GSK3B: variants seen among roughly 807,000 people sequenced by gnomAD.
GSK3B encodes glycogen synthase kinase-3 beta.
Under a neutral mutation model 56.4 loss-of-function variants are expected in GSK3B, and 15 were observed. The observed-to-expected ratio is 0.27, with a 90% confidence interval of 0.18 to 0.41. GSK3B has a LOEUF of 0.41. Ranked by LOEUF, GSK3B falls within the 10% of genes least tolerant of loss-of-function variation. The pLI is 1.00. For missense variants in GSK3B, 300 were observed against 513.4 expected (o/e 0.58, Z 4.02); for synonymous variants, 181 against 188.9 (o/e 0.96, Z 0.34).
At chr3:119,961,353 C>A (rs773960006) in intron 2 of GSK3B, among the ~76,000 whole-genome samples, 2 of 152,214 alleles carry the variant, frequency 1.3e-5, no homozygotes, top group African/African-American at 4.8e-5. Context: ...ACAGGCTGGG[C>A]GCAGTGGCTC....
At chr3:119,994,243 T>C (rs1425386878) in intron 2 of GSK3B, among the ~76,000 whole-genome samples, 1 of 152,076 alleles carries the variant, frequency 6.6e-6, no homozygotes, top group Non-Finnish European at 1.5e-5. Flanking sequence ...CCATATGATA[T>C]ATACAATTAA....
intron 8 of GSK3B, 33 bp from the exon 9 acceptor site, chr3:119,863,638 T>A: frequency 7.2e-7 from 1 of 1,381,830 alleles, no homozygotes; most frequent in Non-Finnish European, 1.0e-6. Flanking sequence ...GAACAATTAA[T>A]GTTTTATTTT....
chr3:120,081,014 T>A (rs1235618157), intron 1 of GSK3B, among the ~76,000 whole-genome samples: 2 of 152,072 alleles, frequency 1.3e-5, no homozygotes, highest in Non-Finnish European at 2.9e-5. Context: ...GTTATAAATC[T>A]CTCTTCAGTC....
At chr3:120,008,798 G>T (rs1034509474) in intron 1 of GSK3B, among the ~76,000 whole-genome samples, 1 of 152,082 alleles carries the variant, frequency 6.6e-6, no homozygotes, top group Non-Finnish European at 1.5e-5. Context: ...CATAGGCATG[G>T]GCAAAGACTT....
intron 9 of GSK3B, among the ~76,000 whole-genome samples, chr3:119,861,831 A>C (rs6800622): frequency 0.47 from 71,045 of 152,020 alleles, 19,859 homozygotes; most frequent in Non-Finnish European, 0.61. Flanking sequence ...AAATTGCCTA[A>C]TAATACATTT....
At chr3:119,962,417 ATAAC>A (rs2107506956) in intron 2 of GSK3B, among the ~76,000 whole-genome samples, 1 of 151,912 alleles carries the variant, frequency 6.6e-6, no homozygotes, top group East Asian at 1.9e-4. Flanking sequence ...AAAAAAGCCT[ATAAC>A]TAACACATCA....
intron 1 of GSK3B, among the ~76,000 whole-genome samples, chr3:120,008,139 A>C (rs1448194019): frequency 6.6e-6 from 1 of 152,220 alleles, no homozygotes; most frequent in African/African-American, 2.4e-5. Flanking sequence ...AATGGCTACT[A>C]AGAGAATAAA....
chr3:119,900,443 T>A (rs761704489), intron 7 of GSK3B, among the ~76,000 whole-genome samples: 7 of 152,136 alleles, frequency 4.6e-5, no homozygotes, highest in Non-Finnish European at 8.8e-5. Context: ...AATTGTTAGT[T>A]TTGTGATAGT....
rs540767638 is a variant in GSK3B at position 119,890,663 on chromosome 3, T to C, written c.814-14155A>G. On this transcript the variant is annotated intron_variant, in intron 7 of 10. Transcript: ENST00000264235. ...GGTAGTGGTTATATGGGCATGTTTG[T>C]TGGAATTTACTAAACTGTCATTTAA... 2.8e-4 allele frequency among the ~76,000 whole-genome samples: 42 copies of C among 152,086 alleles called. 1 individual carries two copies. Among genetic ancestry groups the C allele is most frequent in the African/African-American group, 8.9e-4 (37 of 41,544 alleles).
chr3:119,826,291 G>A lies in GSK3B; in HGVS notation c.*497C>T. ...GAAGATATGGATTAATTTTACAAGT[G>A]ACATTTAAGTCCCCGTTGAGTTATA... On this transcript the variant is annotated 3_prime_UTR_variant, in exon 11 of 11. Coordinates refer to ENST00000264235, the MANE Select transcript of GSK3B (RefSeq NM_001146156.2). 3.5e-6 allele frequency: 1 copy of A among 287,892 alleles called. No homozygotes were observed. The highest frequency in any genetic ancestry group is 6.6e-6 in the Non-Finnish European group (1 of 151,220). The allele number at this position is 287,892 out of a possible 1,614,324, so 17.8% of individuals were successfully genotyped here.
intron 2 of GSK3B, among the ~76,000 whole-genome samples, chr3:119,954,251 A>C (rs2057188070): frequency 7.3e-6 from 1 of 136,098 alleles, no homozygotes; most frequent in African/African-American, 2.8e-5. Context: ...ATAGAATAGA[A>C]TAGAATAGAA....
intron 2 of GSK3B, among the ~76,000 whole-genome samples, chr3:119,973,847 T>A (rs762427502): frequency 1.3e-5 from 2 of 152,098 alleles, no homozygotes; most frequent in Admixed American, 6.6e-5. Context: ...CTGGGGGTCT[T>A]GGAACATACC....
chr3:119,945,381 T>C (rs1276515551), intron 3 of GSK3B, among the ~76,000 whole-genome samples: 3 of 152,206 alleles, frequency 2.0e-5, no homozygotes, highest in Non-Finnish European at 2.9e-5. Context: ...TTACTTTTTA[T>C]AATAGAGGTT....
At chr3:119,832,914 T>C in intron 10 of GSK3B, 1 of 860,614 alleles carries the variant, frequency 1.2e-6, no homozygotes, top group Non-Finnish European at 1.4e-6. Context: ...TCTGGTATCA[T>C]AATTTCTTTT....
chr3:119,891,276 T>C (rs116752703), intron 7 of GSK3B, among the ~76,000 whole-genome samples: 8 of 151,906 alleles, frequency 5.3e-5, no homozygotes, highest in Non-Finnish European at 7.4e-5. Context: ...GACTGGATTA[T>C]AGATGGATGA....
At chr3:119,970,510 G>A (rs1003459808) in intron 2 of GSK3B, among the ~76,000 whole-genome samples, 21 of 151,346 alleles carry the variant, frequency 1.4e-4, no homozygotes, top group African/African-American at 4.9e-4. Context: ...GGTGGCTCAC[G>A]CCTGTAATCC....
chr3:119,930,421 T>A (rs77826210), intron 3 of GSK3B, among the ~76,000 whole-genome samples: 4 of 150,978 alleles, frequency 2.6e-5, no homozygotes, highest in East Asian at 1.9e-4. Context: ...AAAAAAAAAA[T>A]GTGCTTGTCA....
At chr3:119,856,969 T>C (rs2056031193) in intron 9 of GSK3B, among the ~76,000 whole-genome samples, 1 of 152,188 alleles carries the variant, frequency 6.6e-6, no homozygotes, top group African/African-American at 2.4e-5. Context: ...TGTTTTGGTT[T>C]TCCACTGCAT....
At chr3:119,915,244 G>A (rs965486574) in intron 5 of GSK3B, among the ~76,000 whole-genome samples, 1 of 152,042 alleles carries the variant, frequency 6.6e-6, no homozygotes, top group East Asian at 1.9e-4. Context: ...TTAAATTATA[G>A]AGGAAAATGA....
Sources: allele counts gnomAD v4.1 joint callset (sites outside exome capture counted in the v4.1 genomes callset), GRCh38; gene constraint gnomAD v4.1.1; transcripts MANE v1.5; gene names NCBI Gene and HGNC (gene_info 2026-07-23, HGNC 2026-07-21).